GAS7: variants seen among roughly 807,000 people sequenced by gnomAD.
GAS7 encodes growth arrest specific 7.
In GAS7, 28 loss-of-function variants were observed where a neutral mutation model predicts 71.1. That is an observed-to-expected ratio of 0.39 (90% CI 0.29 to 0.54). The LOEUF is 0.54. Among genes scored for constraint, GAS7 ranks in the 20% least tolerant of loss-of-function variants. The pLI, the probability that GAS7 is intolerant of heterozygous loss-of-function variation, is 0.62. For missense variants in GAS7, 436 were observed against 627.8 expected, an observed-to-expected ratio of 0.69 and a Z score of 3.27; for synonymous variants, 258 against 245.8, an observed-to-expected ratio of 1.05 and a Z score of -0.46.
chr17:10,036,695 T>C, intron 1 of GAS7: 1 of 1,295,684 alleles, frequency 7.7e-7, no homozygotes, highest in Non-Finnish European at 9.8e-7. Context: ...TCCGCTCCAG[T>C]GCTTGCTGGG....
intron 1 of GAS7, among the ~76,000 whole-genome samples, chr17:10,154,798 C>T (rs2074192108): frequency 6.6e-6 from 1 of 152,058 alleles, no homozygotes; most frequent in African/African-American, 2.4e-5. Context: ...AGCTAGAAAA[C>T]ACCTTCACTA....
chr17:10,058,118 C>T (rs908791792), intron 1 of GAS7, among the ~76,000 whole-genome samples: 4 of 152,172 alleles, frequency 2.6e-5, no homozygotes, highest in Admixed American at 1.3e-4. Flanking sequence ...TGCGGAAGGC[C>T]GCAGGGTCCT....
chr17:10,037,866 A>G (rs569404965), intron 1 of GAS7, among the ~76,000 whole-genome samples: 299 of 152,266 alleles, frequency 2.0e-3, no homozygotes, highest in African/African-American at 7.0e-3. Context: ...CCGGGTCCAA[A>G]AAGAGTCCAG....
intron 1 of GAS7, among the ~76,000 whole-genome samples, chr17:10,037,114 A>T (rs2072767709): frequency 6.6e-6 from 1 of 152,246 alleles, no homozygotes; most frequent in Non-Finnish European, 1.5e-5. Flanking sequence ...GAGGGGCGAG[A>T]TGAAGGTCTC....
chr17:10,060,587 G>C (rs531753566), intron 1 of GAS7, among the ~76,000 whole-genome samples: 44 of 152,098 alleles, frequency 2.9e-4, no homozygotes, highest in Non-Finnish European at 3.7e-4. Context: ...TCTTCAAGGA[G>C]CTAGGGGCCT....
intron 2 of GAS7, among the ~76,000 whole-genome samples, chr17:10,001,977 T>C (rs2071283719): frequency 2.0e-5 from 3 of 152,104 alleles, no homozygotes; most frequent in Non-Finnish European, 2.9e-5. Flanking sequence ...ATGCCGGGTA[T>C]TGAAATGTAG....
intron 8 of GAS7, among the ~76,000 whole-genome samples, chr17:9,935,593 G>A (rs755295810): frequency 1.3e-5 from 2 of 152,270 alleles, no homozygotes; most frequent in Non-Finnish European, 2.9e-5. Flanking sequence ...GTCTGGAGCA[G>A]AGCAGCCAGC....
intron 11 of GAS7, 135 bp downstream of exon 11, chr17:9,925,341 G>A: frequency 2.3e-6 from 2 of 858,042 alleles, no homozygotes; most frequent in Non-Finnish European, 3.8e-6. Flanking sequence ...GTACCTCCTG[G>A]CAAACAAGGG....
intron 11 of GAS7, among the ~76,000 whole-genome samples, chr17:9,925,084 T>C (rs2067947936): frequency 6.6e-6 from 1 of 152,186 alleles, no homozygotes; most frequent in South Asian, 2.1e-4. Context: ...TTGGGTGAGC[T>C]GTGTGCTTCT....
chr17:10,198,538 G>A lies in GAS7; in HGVS notation c.-148C>T. On this transcript the variant is annotated 5_prime_UTR_variant, in exon 1 of 14. Transcript: ENST00000432992. Reference sequence around the variant, plus strand: ...TCTCTGGGGTGCGCGGGGGTCCTCAGGCAGGCGGGGGACGCGCGCTCCGCG... The same window carrying A: ...TCTCTGGGGTGCGCGGGGGTCCTCAAGCAGGCGGGGGACGCGCGCTCCGCG... 4.5e-6 allele frequency: 2 copies of A among 441,090 alleles called. No homozygotes were observed. 27.3% of individuals were successfully genotyped at this position (441,090 alleles called of 1,614,324 possible).
chr17:10,129,818 G>A, intron 1 of GAS7, among the ~76,000 whole-genome samples: 1 of 152,148 alleles, frequency 6.6e-6, no homozygotes, highest in Non-Finnish European at 1.5e-5. Flanking sequence ...ATAATTAAAA[G>A]ACATTGATAA....
chr17:10,110,183 C>T (rs928164999), intron 1 of GAS7, among the ~76,000 whole-genome samples: 6 of 151,900 alleles, frequency 3.9e-5, no homozygotes, highest in South Asian at 4.2e-4. Flanking sequence ...TAAAAAAATG[C>T]GGTATATATA....
At position 10,006,619 on chromosome 17, in the gene GAS7, G is replaced by A. The variant is rs553778660; in HGVS notation, c.304+13158C>T. On this transcript the variant is annotated intron_variant, in intron 2 of 13. Transcript: ENST00000432992. The stretch of plus-strand genomic sequence containing the variant: ...GCTGGGATTACAGGCGCGAGCCACC[G>A]TGCCCGGCCGCCCCAAATTCTTTGA... Among the ~76,000 whole-genome samples the A allele has an allele frequency of 3.1e-4, 47 of 152,074 alleles. No homozygotes were observed. The East Asian group carries it at 8.1e-3, about 26-fold the overall frequency.
rs780386059 is a variant in GAS7 at position 9,969,763 on chromosome 17, C to T, written c.386-1G>A. 1 of 1,601,032 alleles carries T rather than the reference C, an allele frequency of 6.2e-7. No individual in the cohort carries two copies. Among genetic ancestry groups the T allele is most frequent in the Non-Finnish European group, 8.6e-7 (1 of 1,168,106 alleles). On this transcript the variant is annotated splice_acceptor_variant, in intron 3 of 13. Coordinates refer to ENST00000432992, the MANE Select transcript of GAS7 (RefSeq NM_201433.2). LOFTEE classifies it high-confidence loss of function. This position sits in a 1 kb window ranked among gnomAD's most constrained non-coding sequence, Gnocchi z 5.5. Reference sequence around the variant, plus strand: ...GTCCCTGATGCGTGGTATCCATTCACTGCAGGGACAGAGACACGGCTCAGA... The same window carrying T: ...GTCCCTGATGCGTGGTATCCATTCATTGCAGGGACAGAGACACGGCTCAGA...
chr17:10,147,620 C>T (rs1267941707), intron 1 of GAS7, among the ~76,000 whole-genome samples: 2 of 152,170 alleles, frequency 1.3e-5, no homozygotes, highest in African/African-American at 2.4e-5. Flanking sequence ...GCTAAGAAAC[C>T]TCACATGCAT....
At chr17:10,033,392 C>A (rs756622517) in intron 1 of GAS7, among the ~76,000 whole-genome samples, 1 of 152,166 alleles carries the variant, frequency 6.6e-6, no homozygotes, top group Non-Finnish European at 1.5e-5. Flanking sequence ...AGCTGCAAAG[C>A]CCCCAAATGC....
chr17:10,069,058 C>T (rs2073313135), intron 1 of GAS7, among the ~76,000 whole-genome samples: 1 of 152,126 alleles, frequency 6.6e-6, no homozygotes, highest in African/African-American at 2.4e-5. Context: ...CTGAAGAAAT[C>T]CAGGTATTCA....
chr17:10,158,132 T>A (rs541415426), intron 1 of GAS7, among the ~76,000 whole-genome samples: 1 of 152,250 alleles, frequency 6.6e-6, no homozygotes, highest in South Asian at 2.1e-4. Flanking sequence ...TGCCTCAGCC[T>A]CCCTAGTAGC....
At position 10,026,339 on chromosome 17, in the gene GAS7, C is replaced by T; in HGVS notation, c.184-6442G>A. ...GGGCCCCACACCCCCACTCCCCCCA[C>T]ACCCAGATCTATATATAACAGCTCT... On this transcript the variant is annotated intron_variant, in intron 1 of 13. Transcript: ENST00000432992. This position sits in a 1 kb window ranked among gnomAD's most constrained non-coding sequence, Gnocchi z 4.5. 1.0e-6 allele frequency: 1 copy of T among 968,536 alleles called. No homozygotes were observed. Among genetic ancestry groups the T allele is most frequent in the Non-Finnish European group, 1.2e-6 (1 of 814,444 alleles). 60.0% of individuals were successfully genotyped at this position (968,536 alleles called of 1,614,324 possible). A position where few individuals can be genotyped will look rare whatever the true frequency, so the allele number is the denominator to read the frequency against.
Sources: gnomAD v4.1 joint callset for allele counts (sites outside exome capture counted in the v4.1 genomes callset) on GRCh38, gnomAD v4.1.1 for gene constraint, Gnocchi (gnomAD v3.1) non-coding constraint, MANE v1.5 for transcripts, NCBI Gene and HGNC (gene_info 2026-07-23, HGNC 2026-07-21) for gene names.